The following CSMD1 variants were observed in gnomAD, a reference collection of about 807,000 sequenced individuals.
CSMD1 encodes the protein CUB and sushi domain-containing protein 1.
In CSMD1, 213 loss-of-function variants were observed where a neutral mutation model predicts 417.5. The observed-to-expected ratio is 0.51, with a 90% CI of 0.46 to 0.57. The LOEUF is 0.57. Among genes scored for constraint, CSMD1 ranks in the 20% least tolerant of loss-of-function variants. CSMD1 has a pLI of 0.00. For missense variants in CSMD1, 6,923 were observed against 4,529.7 expected, an observed-to-expected ratio of 1.53 and a Z score of -15.17; for synonymous variants, 2,862 against 1,736.8, an observed-to-expected ratio of 1.65 and a Z score of -16.11.
chr8:3,898,626 G>A (rs947872663), intron 5 of CSMD1, among the ~76,000 whole-genome samples: 6 of 152,266 alleles, frequency 3.9e-5, no homozygotes, highest in East Asian at 1.9e-4. Flanking sequence ...AATCAAAGGT[G>A]CACCTATCAC....
chr8:4,611,243 T>C (rs1369435106), intron 2 of CSMD1, among the ~76,000 whole-genome samples: 1 of 152,174 alleles, frequency 6.6e-6, no homozygotes, highest in Non-Finnish European at 1.5e-5. Flanking sequence ...GTACTATTCG[T>C]CAATTTACTC....
rs1315228878 is a variant in CSMD1, at chr8:3,187,935, T to G, written c.5554A>C (p.Asn1852His). Residue 1852 changes from asparagine (N) to histidine (H), a missense_variant, in exon 36 of 70, where the codon AAC (asparagine) becomes CAC (histidine). By Grantham distance (68) the Asn-to-His change is moderately conservative. Transcript: ENST00000635120. ...IQVISFATEQ[N>H]WDSLEIHDGG... ...TCGTGGATCTCAAGGGAGTCCCAGT[T>G]CTGCTCCGTGGCAAAACTGATCACT... 6.2e-7 allele frequency: 1 copy of G among 1,613,440 alleles called. No homozygotes were observed. Among genetic ancestry groups the G allele is most frequent in the Non-Finnish European group, 8.5e-7 (1 of 1,179,748 alleles).
chr8:4,928,747 T>C (rs1221584571), intron 1 of CSMD1, among the ~76,000 whole-genome samples: 1 of 152,052 alleles, frequency 6.6e-6, no homozygotes, highest in Non-Finnish European at 1.5e-5. Flanking sequence ...GGATTTTATT[T>C]GCACATAGGC....
At chr8:4,350,652 T>C (rs1387184414) in intron 3 of CSMD1, among the ~76,000 whole-genome samples, 1 of 152,206 alleles carries the variant, frequency 6.6e-6, no homozygotes, top group Non-Finnish European at 1.5e-5. Flanking sequence ...AGTTGACTCA[T>C]GAAATTTACT....
intron 5 of CSMD1, among the ~76,000 whole-genome samples, chr8:3,875,444 A>C (rs1267305700): frequency 1.3e-5 from 2 of 152,074 alleles, no homozygotes. Flanking sequence ...GAGTGAGATG[A>C]TGTAGGTGAA....
At chr8:4,184,564 G>A (rs1256170578) in intron 3 of CSMD1, among the ~76,000 whole-genome samples, 1 of 152,072 alleles carries the variant, frequency 6.6e-6, no homozygotes, top group South Asian at 2.1e-4. Context: ...CTTTGCATGA[G>A]CATGGATGGA....
intron 5 of CSMD1, among the ~76,000 whole-genome samples, chr8:3,868,673 T>C (rs1244459396): frequency 6.6e-6 from 1 of 152,138 alleles, no homozygotes; most frequent in African/African-American, 2.4e-5. Flanking sequence ...TCTGCAATCT[T>C]TCCATCTCAT....
chr8:4,146,231 A>C (rs1440260130), intron 3 of CSMD1, among the ~76,000 whole-genome samples: 1 of 151,016 alleles, frequency 6.6e-6, no homozygotes, highest in Non-Finnish European at 1.5e-5. Context: ...GAACTTGGAG[A>C]AAACCTCTCC....
chr8:3,461,417 T>C (rs1816494291), intron 12 of CSMD1, among the ~76,000 whole-genome samples: 1 of 152,206 alleles, frequency 6.6e-6, no homozygotes, highest in Non-Finnish European at 1.5e-5. Flanking sequence ...CATAATGCTG[T>C]GTCAGTCCCC....
intron 3 of CSMD1, among the ~76,000 whole-genome samples, chr8:4,146,879 GCGT>G (rs1422522491): frequency 6.9e-6 from 1 of 144,654 alleles, no homozygotes; most frequent in African/African-American, 2.9e-5. Flanking sequence ...CAAAGTGCCG[GCGT>G]GATTACATGT....
At chr8:4,453,068 G>A (rs1052006546) in intron 2 of CSMD1, among the ~76,000 whole-genome samples, 3 of 152,112 alleles carry the variant, frequency 2.0e-5, no homozygotes, top group African/African-American at 7.2e-5. Flanking sequence ...GACCATGAAT[G>A]GTGATAAGCT....
intron 5 of CSMD1, among the ~76,000 whole-genome samples, chr8:3,888,398 T>C (rs2627347): frequency 0.033 from 5,059 of 152,266 alleles, 291 homozygotes; most frequent in African/African-American, 0.12. Context: ...GCCTATTTCA[T>C]TCTATACGGA....
At chr8:4,318,868 C>G (rs1799096056) in intron 3 of CSMD1, among the ~76,000 whole-genome samples, 1 of 152,122 alleles carries the variant, frequency 6.6e-6, no homozygotes, top group African/African-American at 2.4e-5. Flanking sequence ...TAGATAACAT[C>G]AGAGATCTGT....
chr8:4,792,016 T>C (rs1241528977), intron 1 of CSMD1, among the ~76,000 whole-genome samples: 1 of 152,112 alleles, frequency 6.6e-6, no homozygotes, highest in Non-Finnish European at 1.5e-5. Flanking sequence ...TAATCCTAAA[T>C]CCTATCTCAC....
rs544636690 is a variant in CSMD1, at chr8:3,485,057, C to T, written c.1448+8566G>A. On this transcript the variant is annotated intron_variant, in intron 11 of 69. Transcript: ENST00000635120. The stretch of plus-strand genomic sequence containing the variant: ...ACATACAACTCAAGCAATTACACTC[C>T]TAAGTAATTTCCAAGAGAAATAAAA... Among the ~76,000 whole-genome samples, 10 of 152,288 alleles carry T rather than the reference C, an allele frequency of 6.6e-5. No individual in the cohort carries two copies. In the South Asian group the frequency reaches 2.1e-3, roughly 32 times the overall value.
intron 2 of CSMD1, among the ~76,000 whole-genome samples, chr8:4,454,816 A>C (rs542953873): frequency 6.6e-6 from 1 of 152,208 alleles, no homozygotes; most frequent in South Asian, 2.1e-4. Context: ...AAATTATCTC[A>C]ACCATAAGAA....
intron 3 of CSMD1, among the ~76,000 whole-genome samples, chr8:4,259,722 CAAAT>C (rs1803737737): frequency 6.6e-6 from 1 of 151,930 alleles, no homozygotes; most frequent in African/African-American, 2.4e-5. Flanking sequence ...AATTTTGCCA[CAAAT>C]ATATACACAT....
At chr8:4,769,853 G>T (rs527906204) in intron 1 of CSMD1, among the ~76,000 whole-genome samples, 2 of 152,042 alleles carry the variant, frequency 1.3e-5, no homozygotes, top group African/African-American at 4.8e-5. Flanking sequence ...TTCTCTTAAA[G>T]AATATATGCA....
At chr8:4,705,011 T>C (rs1025429496) in intron 1 of CSMD1, among the ~76,000 whole-genome samples, 1 of 152,206 alleles carries the variant, frequency 6.6e-6, no homozygotes, top group Non-Finnish European at 1.5e-5. Flanking sequence ...CGTCCTGTAA[T>C]TTTGGATCAT....
Sources: allele counts gnomAD v4.1 joint callset (sites outside exome capture counted in the v4.1 genomes callset), GRCh38; gene constraint gnomAD v4.1.1; transcripts MANE v1.5; gene names NCBI Gene and HGNC (gene_info 2026-07-23, HGNC 2026-07-21).